The following NARS2 variants were observed in gnomAD, a reference collection of about 807,000 sequenced individuals.
NARS2 encodes asparaginyl-tRNA synthetase 2, mitochondrial, also known as asparaginyl-tRNA synthetase.
Under a neutral mutation model 62.9 loss-of-function variants are expected in NARS2, and 60 were observed. That is an observed-to-expected ratio of 0.95 (90% CI 0.77 to 1.18). NARS2 has a LOEUF of 1.18. Among genes scored for constraint, NARS2 ranks in the 50% most tolerant of loss-of-function variants. The pLI is 0.00. For synonymous variants in NARS2, 196 were observed against 200.0 expected (o/e 0.98, Z 0.17); for missense variants, 619 against 576.4 (o/e 1.07, Z -0.76).
intron 5 of NARS2, among the ~76,000 whole-genome samples, chr11:78,531,407 A>G (rs1861474274): frequency 1.3e-5 from 2 of 152,222 alleles, no homozygotes; most frequent in South Asian, 2.1e-4. Context: ...GAAACTAGAA[A>G]TGTACAATAA....
chr11:78,471,640 C>T (rs574758252), intron 9 of NARS2, among the ~76,000 whole-genome samples: 1 of 150,968 alleles, frequency 6.6e-6, no homozygotes, highest in Admixed American at 6.6e-5. Context: ...CCCACTAACT[C>T]GTCATCTAGC....
intron 6 of NARS2, among the ~76,000 whole-genome samples, chr11:78,495,281 T>C (rs1275136171): frequency 1.3e-5 from 2 of 152,146 alleles, no homozygotes; most frequent in Non-Finnish European, 2.9e-5. Context: ...ATGCATGTCC[T>C]TTAGTTTTTG....
At chr11:78,526,664 C>T (rs1454256134) in intron 6 of NARS2, among the ~76,000 whole-genome samples, 9 of 152,062 alleles carry the variant, frequency 5.9e-5, no homozygotes, top group African/African-American at 1.7e-4. Context: ...TTTAATCTTC[C>T]GTCAAGTTTC....
In NARS2 at chr11:78,483,069, G is replaced by T. The variant is rs149717488; in HGVS notation, c.823-4386C>A. Among the ~76,000 whole-genome samples, 655 of 152,274 alleles carry T rather than the reference G, an allele frequency of 4.3e-3. 3 individuals carry two copies. The highest frequency in any genetic ancestry group is 0.015 in the African/African-American group (607 of 41,548). ...ATCAAGTCAGCTTCATCCCTGGGAT[G>T]CAAGGCGGGTTCAACATACACAAAT... On this transcript the variant is annotated intron_variant, in intron 7 of 13. Coordinates refer to ENST00000281038, the MANE Select transcript of NARS2 (RefSeq NM_024678.6).
chr11:78,437,444 A>G (rs1337263567), intron 13 of NARS2, among the ~76,000 whole-genome samples: 2 of 152,180 alleles, frequency 1.3e-5, no homozygotes, highest in Non-Finnish European at 2.9e-5. Context: ...CCTTAGGCCT[A>G]GTGAAGATGC....
intron 6 of NARS2, among the ~76,000 whole-genome samples, chr11:78,513,792 G>C (rs1000449075): frequency 6.6e-6 from 1 of 152,096 alleles, no homozygotes; most frequent in African/African-American, 2.4e-5. Context: ...ACCTGTCTCT[G>C]CCCCAATCTC....
intron 7 of NARS2, among the ~76,000 whole-genome samples, chr11:78,485,943 C>T (rs1481628594): frequency 2.0e-5 from 3 of 152,096 alleles, no homozygotes; most frequent in Admixed American, 6.6e-5. Context: ...GGCACGATCT[C>T]GGCTCACTGC....
intron 6 of NARS2, among the ~76,000 whole-genome samples, chr11:78,500,925 C>CTACAAAAAA (rs1220321769): frequency 1.1e-4 from 16 of 152,226 alleles, no homozygotes; most frequent in African/African-American, 3.4e-4. Context: ...AACCCCGTCT[C>CTACAAAAAA]TACAAAAAAT....
At chr11:78,445,769 G>A (rs930440611) in intron 11 of NARS2, among the ~76,000 whole-genome samples, 1 of 152,186 alleles carries the variant, frequency 6.6e-6, no homozygotes, top group Non-Finnish European at 1.5e-5. Context: ...GGGCAACACA[G>A]CAAGACTCCG....
chr11:78,529,426 A>G (rs1462546332), intron 5 of NARS2, among the ~76,000 whole-genome samples: 3 of 152,188 alleles, frequency 2.0e-5, no homozygotes, highest in Non-Finnish European at 2.9e-5. Context: ...CAAAAACAGT[A>G]TTTCATTTAA....
intron 10 of NARS2, among the ~76,000 whole-genome samples, chr11:78,468,770 A>G (rs1858740743): frequency 6.6e-6 from 1 of 150,880 alleles, no homozygotes; most frequent in African/African-American, 2.4e-5. Context: ...TTTTACAGTA[A>G]TATTCTTTTT....
chr11:78,483,429 G>C (rs965479462), intron 7 of NARS2, among the ~76,000 whole-genome samples: 4 of 152,160 alleles, frequency 2.6e-5, no homozygotes, highest in Admixed American at 2.6e-4. Context: ...TATTCAAATA[G>C]GAAGAGAGGA....
At chr11:78,462,837 G>C (rs1858450054) in intron 11 of NARS2, among the ~76,000 whole-genome samples, 1 of 152,244 alleles carries the variant, frequency 6.6e-6, no homozygotes, top group Middle Eastern at 3.4e-3. Context: ...CTGTATACCT[G>C]ACAGGGACAT....
chr11:78,526,589 TTGAA>T (rs1376682133), intron 6 of NARS2, among the ~76,000 whole-genome samples: 1 of 152,162 alleles, frequency 6.6e-6, no homozygotes, highest in Non-Finnish European at 1.5e-5. Context: ...CTAGGAACAT[TTGAA>T]TGACAGTAGT....
At chr11:78,560,996 G>A (rs1273723081) in intron 4 of NARS2, among the ~76,000 whole-genome samples, 3 of 152,204 alleles carry the variant, frequency 2.0e-5, no homozygotes. Context: ...GGGAGGTGGA[G>A]AGGGAGGAGA....
chr11:78,520,459 C>T (rs1861073487), intron 6 of NARS2, among the ~76,000 whole-genome samples: 1 of 152,308 alleles, frequency 6.6e-6, no homozygotes, highest in African/African-American at 2.4e-5. Flanking sequence ...TCCAGTATGA[C>T]ATCATCTTAG....
intron 11 of NARS2, among the ~76,000 whole-genome samples, chr11:78,446,418 C>A (rs930444648): frequency 1.3e-5 from 2 of 152,180 alleles, no homozygotes; most frequent in Non-Finnish European, 2.9e-5. Flanking sequence ...TCCCTTCTGT[C>A]CTCAGAGCAA....
intron 6 of NARS2, among the ~76,000 whole-genome samples, chr11:78,524,052 GA>G (rs1286887714): frequency 6.6e-6 from 1 of 151,920 alleles, no homozygotes; most frequent in African/African-American, 2.4e-5. Flanking sequence ...AAATTCTCCT[GA>G]AAATTTCTAA....
At chr11:78,483,797 G>A (rs866371212) in intron 7 of NARS2, among the ~76,000 whole-genome samples, 1 of 152,128 alleles carries the variant, frequency 6.6e-6, no homozygotes, top group Non-Finnish European at 1.5e-5. Context: ...AATCAATATC[G>A]TGAAAATGGC....
Sources: gnomAD v4.1 joint callset for allele counts (sites outside exome capture counted in the v4.1 genomes callset) on GRCh38, gnomAD v4.1.1 for gene constraint, MANE v1.5 for transcripts, NCBI Gene and HGNC (gene_info 2026-07-23, HGNC 2026-07-21) for gene names.